The following IRAG2 variants were observed in gnomAD, a reference collection of about 807,000 sequenced individuals.
IRAG2 encodes the protein inositol 1,4,5-triphosphate receptor associated 2, also known as lymphoid restricted membrane protein.
In IRAG2, 45 loss-of-function variants were observed where a neutral mutation model predicts 69.9. That is an observed-to-expected ratio of 0.64 (90% CI 0.51 to 0.83). The LOEUF (loss-of-function observed/expected upper bound fraction) is 0.83, where lower values mean the gene tolerates loss of function less well. IRAG2 is among the 40% of genes least tolerant of loss of function. The pLI is 0.00. For missense variants in IRAG2, 520 were observed against 587.0 expected, an observed-to-expected ratio of 0.89 and a Z score of 1.18; for synonymous variants, 193 against 202.4, an observed-to-expected ratio of 0.95 and a Z score of 0.40.
rs76505405 is a variant in IRAG2, at chr12:25,084,603, G to A, written c.315+1110G>A. Among the ~76,000 whole-genome samples the A allele has an allele frequency of 2.0e-3, 307 of 151,338 alleles. 1 individual carries two copies. Among genetic ancestry groups the A allele is most frequent in the African/African-American group, 7.0e-3 (290 of 41,232 alleles). Reference sequence around the variant, plus strand: ...TTTTTCTTCTCAATATACAAGCATTGTTCTAGTTAAGCATTTGGTTGCAAG... The same window carrying A: ...TTTTTCTTCTCAATATACAAGCATTATTCTAGTTAAGCATTTGGTTGCAAG... On this transcript the variant is annotated intron_variant, in intron 10 of 21. Coordinates refer to ENST00000556887, the MANE Select transcript of IRAG2 (RefSeq NM_001366544.2).
upstream of IRAG2, among the ~76,000 whole-genome samples, chr12:25,050,080 G>A (rs1373161797): frequency 2.0e-5 from 3 of 150,434 alleles, no homozygotes; most frequent in East Asian, 2.0e-4. Context: ...CCGAGATTGC[G>A]CCACTGCACT....
At chr12:25,040,772 T>G (rs1203859129) in intron 16 of IRAG2, among the ~76,000 whole-genome samples, 1 of 152,114 alleles carries the variant, frequency 6.6e-6, no homozygotes, top group Non-Finnish European at 1.5e-5. Flanking sequence ...AGGAAACAAG[T>G]CTTGATTCGT....
chr12:25,085,186 G>A (rs1225539356), intron 10 of IRAG2, among the ~76,000 whole-genome samples: 1 of 152,284 alleles, frequency 6.6e-6, no homozygotes, highest in African/African-American at 2.4e-5. Context: ...CAGAGGGCCA[G>A]TGTGACAGCT....
intron 15 of IRAG2, chr12:25,097,467 T>C (rs1232932537): frequency 6.5e-6 from 1 of 152,816 alleles, no homozygotes; most frequent in Non-Finnish European, 1.5e-5. Context: ...TATTCAATCA[T>C]TTCAGGATGT....
chr12:25,061,457 A>G (rs1945633389), intron 1 of IRAG2, 135 bp from the exon 2 acceptor site: 1 of 393,242 alleles, frequency 2.5e-6, no homozygotes. Context: ...CCCAGGAGGC[A>G]GAGTTTGCAG....
chr12:25,094,706 A>G (rs10842463), intron 14 of IRAG2, among the ~76,000 whole-genome samples: 51,916 of 148,112 alleles, frequency 0.35, 9,557 homozygotes, highest in African/African-American at 0.46. Flanking sequence ...CCATGAACAC[A>G]GGGTGTCTTT....
At chr12:25,054,051 G>T (rs1945057479) in intron 1 of IRAG2, among the ~76,000 whole-genome samples, 1 of 152,040 alleles carries the variant, frequency 6.6e-6, no homozygotes, top group South Asian at 2.1e-4. Flanking sequence ...GGACAACATG[G>T]TGAAACCCTG....
intron 10 of IRAG2, among the ~76,000 whole-genome samples, chr12:25,086,319 C>T (rs1390838562): frequency 6.6e-6 from 1 of 152,014 alleles, no homozygotes; most frequent in African/African-American, 2.4e-5. Flanking sequence ...TATGGCTTAA[C>T]CTACCGAATG....
intron 12 of IRAG2, among the ~76,000 whole-genome samples, chr12:25,032,872 T>TG (rs907046172): frequency 8.5e-5 from 13 of 152,112 alleles, no homozygotes; most frequent in Admixed American, 3.3e-4. Flanking sequence ...TATGAAATAA[T>TG]GGGGGGCAAA....
rs1356648136 is a variant in IRAG2 at position 25,108,181 on chromosome 12, A to AGAT, written c.*122_*124dup. 8.5e-5 allele frequency: 96 copies of AGAT among 1,123,864 alleles called. No individual in the cohort carries two copies. Among genetic ancestry groups the AGAT allele is most frequent in the Non-Finnish European group, 1.2e-4 (92 of 797,288 alleles). The allele number at this position is 1,123,864 out of a possible 1,614,324, so 69.6% of individuals were successfully genotyped here. On this transcript the variant is annotated 3_prime_UTR_variant, in exon 22 of 22. Coordinates refer to ENST00000556887, the MANE Select transcript of IRAG2 (RefSeq NM_001366544.2). ...ACCAGAGGTTCTCAGAATGACTGTAAGATAGCTTACATTTCCTCTTTTTGC... is the reference window on the plus strand; with the variant it reads ...ACCAGAGGTTCTCAGAATGACTGTAAGATGATAGCTTACATTTCCTCTTTTTGC...
chr12:25,097,108 T>C (rs1356091916), intron 15 of IRAG2, 64 bp downstream of exon 15: 9 of 1,485,828 alleles, frequency 6.1e-6, no homozygotes, highest in Non-Finnish European at 7.2e-6. Flanking sequence ...TTCCTGAGAC[T>C]ATGGATTTCT....
At position 25,009,894 on chromosome 12, in the gene IRAG2, A is replaced by G. The variant is rs1944461640; in HGVS notation, c.689-1450A>G. Among the ~76,000 whole-genome samples the G allele has an allele frequency of 1.3e-5, 2 of 152,130 alleles. 1 individual carries two copies. Among genetic ancestry groups the G allele is most frequent in the East Asian group, 3.9e-4 (2 of 5,192 alleles). On this transcript the variant is annotated intron_variant, in intron 2 of 38. Coordinates refer to the IRAG2 transcript ENST00000636465. The stretch of plus-strand genomic sequence containing the variant: ...GGGAGAAGGTCAGCTTGTTTGTTCT[A>G]TTCAGGCCTTCAACTGGTTGGATGA...
chr12:25,075,715 T>C (rs1012552897), intron 6 of IRAG2: 1 of 152,168 alleles, frequency 6.6e-6, no homozygotes, highest in Admixed American at 6.6e-5. Context: ...CAGGTTAATA[T>C]TTGAATGGCT....
intron 3 of IRAG2, chr12:25,015,118 A>T: frequency 4.4e-6 from 2 of 450,228 alleles, no homozygotes; most frequent in Non-Finnish European, 6.1e-6. Flanking sequence ...AAAAAGACAA[A>T]ACTTGGTCAG....
At chr12:25,001,531 A>G (rs1169029072), upstream of IRAG2, among the ~76,000 whole-genome samples, 1 of 152,178 alleles carries the variant, frequency 6.6e-6, no homozygotes, top group African/African-American at 2.4e-5. Context: ...CTTATGTGCT[A>G]GGAACATTAA....
intron 3 of IRAG2, among the ~76,000 whole-genome samples, chr12:25,014,401 C>A (rs1015660262): frequency 1.3e-5 from 2 of 152,100 alleles, no homozygotes; most frequent in Non-Finnish European, 2.9e-5. Context: ...TTCTTTCATT[C>A]CCCCAACTTG....
chr12:25,029,393 T>A (rs1389676071), intron 9 of IRAG2, among the ~76,000 whole-genome samples: 1 of 152,216 alleles, frequency 6.6e-6, no homozygotes, highest in Admixed American at 6.5e-5. Context: ...AATTTTCACA[T>A]CTACTAAATG....
At chr12:25,063,095 C>G (rs551561273) in intron 3 of IRAG2, among the ~76,000 whole-genome samples, 195 bp downstream of exon 3, 1 of 152,302 alleles carries the variant, frequency 6.6e-6, no homozygotes, top group South Asian at 2.1e-4. Context: ...CTAGTTGGTC[C>G]TTTGTCGCCC....
intron 15 of IRAG2, 135 bp from the exon 16 acceptor site, chr12:25,101,043 T>A (rs1034895309): frequency 3.6e-5 from 23 of 637,540 alleles, no homozygotes; most frequent in Non-Finnish European, 5.8e-5. Context: ...TAGATGCATG[T>A]CTTTTTAAAA....
Sources: gnomAD v4.1 joint callset for allele counts (sites outside exome capture counted in the v4.1 genomes callset) on GRCh38, gnomAD v4.1.1 for gene constraint, MANE v1.5 for transcripts, NCBI Gene and HGNC (gene_info 2026-07-23, HGNC 2026-07-21) for gene names.